RMDN1: variants seen among roughly 807,000 people sequenced by gnomAD.
The protein encoded by RMDN1 is regulator of microtubule dynamics protein 1.
Under a neutral mutation model 48.9 loss-of-function variants are expected in RMDN1, and 48 were observed. The ratio of observed to expected loss-of-function variants is 0.98; its 90% CI spans 0.78 to 1.25. The LOEUF is 1.25. RMDN1 is among the 50% of genes most tolerant of loss of function. The pLI is 0.00. For synonymous variants in RMDN1, 148 were observed against 132.6 expected (o/e 1.12, Z -0.80); for missense variants, 418 against 373.4 (o/e 1.12, Z -0.98).
chr8:86,496,497 T>C (rs1817363657), intron 2 of RMDN1, among the ~76,000 whole-genome samples: 1 of 152,108 alleles, frequency 6.6e-6, no homozygotes, highest in African/African-American at 2.4e-5. Flanking sequence ...CTGCTATTCT[T>C]ATTTCAGAGA....
chr8:86,501,178 C>T (rs995026947), intron 2 of RMDN1, among the ~76,000 whole-genome samples: 1 of 151,936 alleles, frequency 6.6e-6, no homozygotes, highest in Non-Finnish European at 1.5e-5. Flanking sequence ...CAAACCTGCA[C>T]GTGTACCCTC....
At chr8:86,482,723 CA>C in intron 5 of RMDN1, 1 of 1,007,876 alleles carries the variant, frequency 9.9e-7, no homozygotes, top group Non-Finnish European at 1.6e-6. Flanking sequence ...TCGGTTCCAT[CA>C]CAATGTGTCA....
At chr8:86,503,052 A>T (rs1818541927) in intron 2 of RMDN1, among the ~76,000 whole-genome samples, 1 of 152,122 alleles carries the variant, frequency 6.6e-6, no homozygotes, top group Admixed American at 6.6e-5. Context: ...TCCATTACCT[A>T]TATAAAAATA....
At chr8:86,514,252 G>C in exon 1 of RMDN1, 1 of 985,150 alleles carries the variant, frequency 1.0e-6, no homozygotes, top group Non-Finnish European at 1.2e-6. Flanking sequence ...CTTAAAGTCA[G>C]TTTTGCCTTT....
At chr8:86,484,758 C>G (rs1250589180) in intron 5 of RMDN1, 114 bp downstream of exon 5, 5 of 500,496 alleles carry the variant, frequency 1.0e-5, no homozygotes, top group South Asian at 8.7e-5. Flanking sequence ...TGTCATGGCT[C>G]TACTCCACTG....
At chr8:86,480,207 AG>A in intron 6 of RMDN1, 69 bp downstream of exon 6, 1 of 738,082 alleles carries the variant, frequency 1.4e-6, no homozygotes, top group East Asian at 2.9e-5. Flanking sequence ...TATATGCAAA[AG>A]AAGATATTTA....
intron 2 of RMDN1, among the ~76,000 whole-genome samples, chr8:86,490,163 A>C (rs1393192897): frequency 6.6e-6 from 1 of 152,168 alleles, no homozygotes; most frequent in Non-Finnish European, 1.5e-5. Flanking sequence ...TAACAACCCA[A>C]AGGATAAGGA....
chr8:86,477,172 G>A (rs2130548190), intron 8 of RMDN1, 122 bp downstream of exon 8: 2 of 605,454 alleles, frequency 3.3e-6, no homozygotes, highest in Non-Finnish European at 5.3e-6. Flanking sequence ...TTGTTTTACA[G>A]TATCTAGCAC....
chr8:86,502,828 T>C (rs1485401809), intron 2 of RMDN1, among the ~76,000 whole-genome samples: 2 of 152,184 alleles, frequency 1.3e-5, no homozygotes, highest in East Asian at 3.9e-4. Context: ...ATGGTCTCTG[T>C]AGCATGTTCT....
chr8:86,492,243 T>G (rs1816625836), intron 2 of RMDN1, among the ~76,000 whole-genome samples: 1 of 152,172 alleles, frequency 6.6e-6, no homozygotes, highest in Admixed American at 6.6e-5. Flanking sequence ...AAAAAGAACC[T>G]TTAAGTTGGG....
chr8:86,475,676 C>A (rs80268054), intron 8 of RMDN1, among the ~76,000 whole-genome samples: 1,672 of 152,104 alleles, frequency 0.011, 32 homozygotes, highest in African/African-American at 0.038. Flanking sequence ...ACAAAGTGTC[C>A]CCCTAACAAT....
intron 1 of RMDN1, among the ~76,000 whole-genome samples, chr8:86,507,656 C>T (rs1007886868): frequency 6.6e-6 from 1 of 152,010 alleles, no homozygotes; most frequent in Non-Finnish European, 1.5e-5. Flanking sequence ...GGACTTCAAA[C>T]TCATCATTGT....
At chr8:86,496,500 TTCAGAGAAAACAG>T (rs1199637378) in intron 2 of RMDN1, among the ~76,000 whole-genome samples, 3 of 152,036 alleles carry the variant, frequency 2.0e-5, no homozygotes, top group Non-Finnish European at 4.4e-5. Context: ...CTATTCTTAT[TTCAGAGAAAACAG>T]ATGTTAAATC....
At chr8:86,503,598 C>T (rs753608330) in intron 2 of RMDN1, 3 of 476,264 alleles carry the variant, frequency 6.3e-6, no homozygotes, top group Non-Finnish European at 1.3e-5. Context: ...AAGGTCACCC[C>T]AGCTCTGATC....
In RMDN1 at chr8:86,508,487, G is replaced by T. The variant is rs1257240149; in HGVS notation, c.129+5C>A. On this transcript the variant is annotated splice_donor_5th_base_variant and intron_variant, in intron 1 of 9. Coordinates refer to ENST00000406452, the MANE Select transcript of RMDN1 (RefSeq NM_016033.3). The stretch of plus-strand genomic sequence containing the variant: ...GAGGAGCGGGAGCCAGGACCACGGG[G>T]GTACCTCGAAGCCGCGGAATCGACA... The T allele has an allele frequency of 6.5e-7, 1 of 1,544,918 alleles. No individual in the cohort carries two copies. Among genetic ancestry groups the T allele is most frequent in the South Asian group, 1.2e-5 (1 of 83,764 alleles).
intron 3 of RMDN1, among the ~76,000 whole-genome samples, chr8:86,487,964 A>G (rs1197046339): frequency 7.0e-6 from 1 of 142,470 alleles, no homozygotes; most frequent in Non-Finnish European, 1.5e-5. Flanking sequence ...TTAGTGATCT[A>G]GAAATGCTAT....
chr8:86,496,155 G>A (rs1817307932), intron 2 of RMDN1, among the ~76,000 whole-genome samples: 1 of 152,296 alleles, frequency 6.6e-6, no homozygotes, highest in African/African-American at 2.4e-5. Context: ...TTAAAGGAGT[G>A]CTAAACATGG....
At chr8:86,504,007 G>C (rs916503166) in intron 2 of RMDN1, 2 of 779,590 alleles carry the variant, frequency 2.6e-6, no homozygotes, top group African/African-American at 3.4e-5. Flanking sequence ...GTACATTGGA[G>C]AGATCTCAGC....
chr8:86,502,067 T>A (rs972308293), intron 2 of RMDN1, among the ~76,000 whole-genome samples: 1 of 152,164 alleles, frequency 6.6e-6, no homozygotes, highest in Non-Finnish European at 1.5e-5. Flanking sequence ...AATAAGACCA[T>A]CTATTCAAAA....
Sources: gnomAD v4.1 joint callset for allele counts (sites outside exome capture counted in the v4.1 genomes callset) on GRCh38, gnomAD v4.1.1 for gene constraint, MANE v1.5 for transcripts, NCBI Gene and HGNC (gene_info 2026-07-23, HGNC 2026-07-21) for gene names.